PPARGC1A: variants seen among roughly 807,000 people sequenced by gnomAD.
PPARGC1A encodes the protein PPARG coactivator 1 alpha.
PPARGC1A carries 25 observed loss-of-function variants against 88.7 expected under a neutral mutation model. That is an observed-to-expected ratio of 0.28 (90% CI 0.21 to 0.39). The LOEUF (loss-of-function observed/expected upper bound fraction) is 0.39, where lower values mean the gene tolerates loss of function less well. PPARGC1A is among the 10% of genes least tolerant of loss of function. The pLI is 1.00. For synonymous variants in PPARGC1A, 363 were observed against 355.6 expected (o/e 1.02, Z -0.24); for missense variants, 880 against 968.7 (o/e 0.91, Z 1.22).
chr4:24,445,483 A>C, the PPARGC1A span, among the ~76,000 whole-genome samples: 1 of 152,056 alleles, frequency 6.6e-6, no homozygotes, highest in Non-Finnish European at 1.5e-5. Context: ...TGGAATACAC[A>C]CAGTGGGTTT....
the PPARGC1A span, among the ~76,000 whole-genome samples, chr4:23,946,804 A>C: frequency 1.3e-5 from 2 of 151,998 alleles, no homozygotes; most frequent in Non-Finnish European, 2.9e-5. Flanking sequence ...GGAGATGAAA[A>C]TATATGTACA....
the PPARGC1A span, among the ~76,000 whole-genome samples, chr4:24,285,249 C>G: frequency 6.6e-6 from 1 of 152,096 alleles, no homozygotes; most frequent in Non-Finnish European, 1.5e-5. Context: ...TTGCATTAAG[C>G]CTGTATCCAT....
At chr4:23,884,494 T>G in intron 2 of PPARGC1A, 1 of 410,570 alleles carries the variant, frequency 2.4e-6, no homozygotes, top group Non-Finnish European at 4.3e-6. Context: ...CTTTAGTATT[T>G]CAACACAGTT....
At chr4:24,279,465 C>T in the PPARGC1A span, among the ~76,000 whole-genome samples, 98 of 152,156 alleles carry the variant, frequency 6.4e-4, no homozygotes, top group African/African-American at 2.3e-3. Flanking sequence ...AAAGAAGTAA[C>T]GGGGGGAGAA....
the PPARGC1A span, among the ~76,000 whole-genome samples, chr4:24,263,978 C>G: frequency 2.6e-5 from 4 of 151,930 alleles, no homozygotes; most frequent in East Asian, 7.7e-4. Flanking sequence ...TTGTACCCCC[C>G]GGGCTCAAGT....
At chr4:23,844,764 A>AATAATATATATGATATATATTATT (rs1727899977) in intron 2 of PPARGC1A, among the ~76,000 whole-genome samples, 1 of 45,566 alleles carries the variant, frequency 2.2e-5, no homozygotes, top group Non-Finnish European at 3.6e-5. Flanking sequence ...TATATATTAT[A>AATAATATATATGATATATATTATT]ATAATATATG....
the PPARGC1A span, among the ~76,000 whole-genome samples, chr4:23,929,153 T>C: frequency 6.6e-6 from 1 of 151,844 alleles, no homozygotes; most frequent in Non-Finnish European, 1.5e-5. Context: ...CAAAATAAAA[T>C]AATAATGAAT....
At chr4:23,918,962 C>T in the PPARGC1A span, among the ~76,000 whole-genome samples, 4 of 152,034 alleles carry the variant, frequency 2.6e-5, no homozygotes, top group Non-Finnish European at 4.4e-5. Context: ...TGCTGGTTCT[C>T]TGTGACTTAT....
At chr4:24,318,242 A>G in the PPARGC1A span, among the ~76,000 whole-genome samples, 13 of 152,336 alleles carry the variant, frequency 8.5e-5, no homozygotes, top group African/African-American at 3.1e-4. Flanking sequence ...CTAAGAAGCC[A>G]AGACCAGCCT....
At chr4:24,309,098 G>A in the PPARGC1A span, among the ~76,000 whole-genome samples, 1 of 151,726 alleles carries the variant, frequency 6.6e-6, no homozygotes. Context: ...AGTCAAGACA[G>A]AAAAGGACTG....
intron 2 of PPARGC1A, among the ~76,000 whole-genome samples, chr4:23,841,258 C>G (rs1292411378): frequency 6.6e-6 from 1 of 151,996 alleles, no homozygotes; most frequent in Non-Finnish European, 1.5e-5. Flanking sequence ...CAAGAGAAAA[C>G]CATTGATGTA....
At chr4:24,208,238 A>T in the PPARGC1A span, among the ~76,000 whole-genome samples, 1 of 152,072 alleles carries the variant, frequency 6.6e-6, no homozygotes, top group African/African-American at 2.4e-5. Context: ...AGCTATGAAC[A>T]TCCCACCAAA....
the PPARGC1A span, among the ~76,000 whole-genome samples, chr4:24,330,292 C>A: frequency 6.6e-6 from 1 of 152,146 alleles, no homozygotes; most frequent in African/African-American, 2.4e-5. Flanking sequence ...GTTTCTGTGT[C>A]GGAATGGTCA....
At chr4:23,870,915 T>C (rs1166670076) in intron 2 of PPARGC1A, among the ~76,000 whole-genome samples, 1 of 149,878 alleles carries the variant, frequency 6.7e-6, no homozygotes, top group Admixed American at 6.6e-5. Flanking sequence ...AACCAGCAAC[T>C]AAAGGAAAAA....
the PPARGC1A span, among the ~76,000 whole-genome samples, chr4:24,387,772 GAAAGAAAGAA>G: frequency 0.02 from 1,174 of 58,042 alleles, 49 homozygotes; most frequent in African/African-American, 0.062. Flanking sequence ...GAGAGAGAAA[GAAAGAAAGAA>G]AGAAAGAAAG....
chr4:24,108,537 T>C, the PPARGC1A span, among the ~76,000 whole-genome samples: 7,597 of 152,190 alleles, frequency 0.05, 607 homozygotes, highest in African/African-American at 0.17. Context: ...CTATTATATA[T>C]AGGTTAGCCA....
the PPARGC1A span, among the ~76,000 whole-genome samples, chr4:24,164,761 CTT>C: frequency 6.6e-6 from 1 of 152,158 alleles, no homozygotes; most frequent in Admixed American, 6.6e-5. Flanking sequence ...ATGACTGAGT[CTT>C]TGCTTTGTTC....
chr4:23,836,365 A>G (rs1323912263), intron 2 of PPARGC1A, among the ~76,000 whole-genome samples: 2 of 152,168 alleles, frequency 1.3e-5, no homozygotes, highest in Non-Finnish European at 2.9e-5. Flanking sequence ...TTCTCCTTAC[A>G]CAATGCAATT....
the PPARGC1A span, among the ~76,000 whole-genome samples, chr4:24,220,779 T>C: frequency 6.6e-6 from 1 of 152,218 alleles, no homozygotes; most frequent in Non-Finnish European, 1.5e-5. Flanking sequence ...TTATGTTTAC[T>C]ATTTCAGCTA....
Sources: gnomAD v4.1 joint callset for allele counts (sites outside exome capture counted in the v4.1 genomes callset) on GRCh38, gnomAD v4.1.1 for gene constraint, MANE v1.5 for transcripts, NCBI Gene and HGNC (gene_info 2026-07-23, HGNC 2026-07-21) for gene names.